PCDHA4: variants seen among roughly 807,000 people sequenced by gnomAD.
PCDHA4 encodes the protein protocadherin alpha-4.
In PCDHA4, 49 loss-of-function variants were observed where a neutral mutation model predicts 61.4. The observed-to-expected ratio is 0.80, with a 90% confidence interval of 0.63 to 1.01. The LOEUF (loss-of-function observed/expected upper bound fraction) is 1.01. Among genes scored for constraint, PCDHA4 ranks in the 50% least tolerant of loss-of-function variants. The probability of loss-of-function intolerance (pLI) is 0.00; values close to 1 mark genes in which losing one functional copy is unlikely to be tolerated. For missense variants in PCDHA4, 1,254 were observed against 1,235.8 expected (o/e 1.01, Z -0.22); for synonymous variants, 590 against 550.3 (o/e 1.07, Z -1.01).
chr5:140,896,137 G>A (rs547993953), intron 1 of PCDHA4, among the ~76,000 whole-genome samples: 16 of 152,260 alleles, frequency 1.1e-4, no homozygotes, highest in African/African-American at 3.1e-4. Flanking sequence ...TTTATCCAGT[G>A]CACCATTGAT....
At chr5:140,895,341 T>C (rs996566433) in intron 1 of PCDHA4, among the ~76,000 whole-genome samples, 5 of 152,186 alleles carry the variant, frequency 3.3e-5, no homozygotes, top group African/African-American at 1.2e-4. Flanking sequence ...TGTTTTACTA[T>C]GCTTTCCAGT....
intron 1 of PCDHA4, chr5:140,867,791 C>T (rs2050146253): frequency 1.3e-5 from 2 of 152,072 alleles, no homozygotes; most frequent in African/African-American, 2.4e-5. Context: ...CTGTATTTTA[C>T]TTAGCATTTT....
rs2150240382 is a variant in PCDHA4, at chr5:140,835,640, C to A, written c.2385+26068C>A. On this transcript the variant is annotated intron_variant, in intron 1 of 3. Transcript: ENST00000530339. ...GCGCTCTGGACCGCGAGAGTGTGTC[C>A]GCCTATGAGCTGGTGGTTACCGCGC... The A allele has an allele frequency of 2.4e-5, 38 of 1,613,888 alleles. 2 individuals are homozygous for A. The highest frequency in any genetic ancestry group is 3.2e-5 in the Non-Finnish European group (38 of 1,179,872).
chr5:140,871,272 G>C lies in PCDHA4; in HGVS notation c.2385+61700G>C, dbSNP rs782818690. Reference sequence around the variant, plus strand: ...TGCTGTATACGGCGCTGTGGTGGTCGGCAACGCCCACTGAGGGCGCGTGCG... The same window carrying C: ...TGCTGTATACGGCGCTGTGGTGGTCCGCAACGCCCACTGAGGGCGCGTGCG... On this transcript the variant is annotated intron_variant, in intron 1 of 3. Coordinates refer to ENST00000530339, the MANE Select transcript of PCDHA4 (RefSeq NM_018907.4). 25 of 1,613,826 alleles carry C rather than the reference G, an allele frequency of 1.5e-5. No individual in the cohort carries two copies. The East Asian group carries it at 5.1e-4, about 33-fold the overall frequency.
At chr5:140,875,874 A>C in intron 1 of PCDHA4, 1 of 1,614,188 alleles carries the variant, frequency 6.2e-7, no homozygotes, top group Non-Finnish European at 8.5e-7. Flanking sequence ...CGGTGTTCAG[A>C]GAAAGGGAAC....
Position 140,808,634 on chromosome 5 carries a change from G to C in PCDHA4, c.1447G>C (p.Asp483His). 1 of 1,613,546 alleles carries C rather than the reference G, an allele frequency of 6.2e-7. No homozygotes were observed. Among genetic ancestry groups the C allele is most frequent in the African/African-American group, 1.3e-5 (1 of 75,062 alleles). Residue 483 changes from aspartate (D) to histidine (H), a missense_variant, in exon 1 of 4, where the codon GAC becomes CAC. Coordinates refer to ENST00000530339, the MANE Select transcript of PCDHA4 (RefSeq NM_018907.4). Reference sequence around the variant, plus strand: ...CTTCACTGTGTCTGCGTGGGACGCGGACGCGCAGGAGAACGCGCTGGTGTC... The same window carrying C: ...CTTCACTGTGTCTGCGTGGGACGCGCACGCGCAGGAGAACGCGCTGGTGTC... The part of the protein sequence containing the change: ...HIFTVSAWDA[D>H]AQENALVSYS...
chr5:140,928,379 G>C, intron 1 of PCDHA4: 1 of 1,614,172 alleles, frequency 6.2e-7, no homozygotes, highest in Non-Finnish European at 8.5e-7. Flanking sequence ...TCAGCCTCTA[G>C]CTTGCTGGCA....
chr5:140,900,768 T>A (rs1554189412), intron 1 of PCDHA4, among the ~76,000 whole-genome samples: 2 of 152,192 alleles, frequency 1.3e-5, no homozygotes, highest in Non-Finnish European at 1.5e-5. Context: ...TATTTTTGGC[T>A]TTTTGAGGAA....
chr5:140,913,462 G>A (rs1300773586), intron 1 of PCDHA4, among the ~76,000 whole-genome samples: 1 of 151,764 alleles, frequency 6.6e-6, no homozygotes, highest in African/African-American at 2.4e-5. Context: ...TTATTTACTT[G>A]GGTCTTCTCT....
intron 1 of PCDHA4, among the ~76,000 whole-genome samples, chr5:140,833,122 G>T (rs1772311548): frequency 6.6e-6 from 1 of 152,190 alleles, no homozygotes; most frequent in Non-Finnish European, 1.5e-5. Context: ...AAAGTCATTT[G>T]AAAGCTGTCA....
intron 1 of PCDHA4, chr5:140,857,988 T>A (rs370495338): frequency 6.3e-7 from 1 of 1,596,894 alleles, no homozygotes; most frequent in South Asian, 1.1e-5. Context: ...CAGCGCCTAC[T>A]GGTGCTGGTG....
intron 1 of PCDHA4, chr5:140,834,281 C>T (rs1772882234): frequency 2.7e-6 from 3 of 1,125,172 alleles, no homozygotes; most frequent in South Asian, 1.5e-5. Flanking sequence ...TCTTTGGATG[C>T]ACAACAATGG....
chr5:140,807,551 G>C lies in PCDHA4; in HGVS notation c.364G>C (p.Glu122Gln), dbSNP rs1209745292. 6 of 1,614,086 alleles carry C rather than the reference G, an allele frequency of 3.7e-6. No individual in the cohort carries two copies. Among genetic ancestry groups the C allele is most frequent in the Non-Finnish European group, 5.1e-6 (6 of 1,180,042 alleles). The change falls in exon 1 of 4, where the codon GAG (glutamate) becomes CAG (glutamine). Residue 122 changes from glutamate to glutamine, a missense_variant. Coordinates refer to ENST00000530339, the MANE Select transcript of PCDHA4 (RefSeq NM_018907.4). ...RPLQVFHVDV[E>Q]VRDINDNPPV... ...GCTGCAGGTTTTCCATGTGGACGTG[G>C]AGGTGAGGGACATTAACGATAACCC...
chr5:140,828,734 A>G (rs1554131491), intron 1 of PCDHA4: 1 of 1,614,248 alleles, frequency 6.2e-7, no homozygotes, highest in Non-Finnish European at 8.5e-7. Context: ...CCTGACAGCC[A>G]CAGATGGGGG....
At chr5:140,921,998 A>G (rs1247902071) in intron 1 of PCDHA4, among the ~76,000 whole-genome samples, 3 of 152,206 alleles carry the variant, frequency 2.0e-5, no homozygotes, top group African/African-American at 7.2e-5. Flanking sequence ...AGTTCAATGA[A>G]ATGATTAGTT....
chr5:140,888,287 C>T (rs1371852276), intron 1 of PCDHA4, among the ~76,000 whole-genome samples: 1 of 152,072 alleles, frequency 6.6e-6, no homozygotes, highest in African/African-American at 2.4e-5. Flanking sequence ...CCCCTCTACC[C>T]CCTACCCAGG....
intron 1 of PCDHA4, among the ~76,000 whole-genome samples, chr5:140,942,387 G>A (rs1398449068): frequency 1.3e-5 from 2 of 151,808 alleles, no homozygotes; most frequent in Admixed American, 1.3e-4. Context: ...ATTCCAGCCT[G>A]GGCGACAGAT....
intron 1 of PCDHA4, chr5:140,841,760 A>C: frequency 6.2e-7 from 1 of 1,613,864 alleles, no homozygotes; most frequent in Non-Finnish European, 8.5e-7. Flanking sequence ...AGAATCCAGA[A>C]TGCCAGACTC....
chr5:141,000,926 G>T (rs1554257936), intron 3 of PCDHA4, among the ~76,000 whole-genome samples: 1 of 151,956 alleles, frequency 6.6e-6, no homozygotes, highest in Non-Finnish European at 1.5e-5. Flanking sequence ...AAAATCCTGT[G>T]TGATTTAGGA....
Sources: gnomAD v4.1 joint callset for allele counts (sites outside exome capture counted in the v4.1 genomes callset) on GRCh38, gnomAD v4.1.1 for gene constraint, MANE v1.5 for transcripts, NCBI Gene and HGNC (gene_info 2026-07-23, HGNC 2026-07-21) for gene names.